QTMAN: variants seen among roughly 807,000 people sequenced by gnomAD.
The protein encoded by QTMAN is tRNA-queuosine alpha-mannosyltransferase.
the QTMAN span, among the ~76,000 whole-genome samples, chr2:144,284,626 G>C: frequency 6.6e-6 from 1 of 152,000 alleles, no homozygotes; most frequent in South Asian, 2.1e-4. Context: ...AAGAAAATTA[G>C]CATTTTCCAC....
At chr2:144,167,630 C>CTTCCTTGCACTTA in the QTMAN span, among the ~76,000 whole-genome samples, 1 of 152,022 alleles carries the variant, frequency 6.6e-6, no homozygotes, top group Non-Finnish European at 1.5e-5. Context: ...GCACTTACTC[C>CTTCCTTGCACTTA]TTCCTGCCGC....
At chr2:144,326,622 T>A in the QTMAN span, among the ~76,000 whole-genome samples, 1 of 150,068 alleles carries the variant, frequency 6.7e-6, no homozygotes, top group African/African-American at 2.5e-5. Context: ...GACTCTCCAG[T>A]ACTAACGATG....
the QTMAN span, among the ~76,000 whole-genome samples, chr2:144,192,524 C>G: frequency 1.3e-5 from 2 of 152,146 alleles, no homozygotes; most frequent in Non-Finnish European, 2.9e-5. Flanking sequence ...ATATATTTCT[C>G]CATCTCTCCT....
At chr2:144,150,359 A>G in the QTMAN span, among the ~76,000 whole-genome samples, 1 of 151,524 alleles carries the variant, frequency 6.6e-6, no homozygotes, top group African/African-American at 2.4e-5. Context: ...AGGATCCTGT[A>G]TTTTCTGTGA....
chr2:144,003,709 G>A, the QTMAN span, among the ~76,000 whole-genome samples: 1 of 152,180 alleles, frequency 6.6e-6, no homozygotes, highest in East Asian at 1.9e-4. Flanking sequence ...CTGTTCTCAT[G>A]CACAGACATT....
chr2:144,277,312 G>A, the QTMAN span, among the ~76,000 whole-genome samples: 9 of 151,826 alleles, frequency 5.9e-5, no homozygotes, highest in African/African-American at 1.5e-4. Flanking sequence ...TAAATTAGAC[G>A]CTATACTTTA....
At chr2:143,951,995 T>C in the QTMAN span, 219 of 1,558,582 alleles carry the variant, frequency 1.4e-4, 1 homozygote, top group South Asian at 2.3e-3. Context: ...ATAGAGATGT[T>C]TTCTTATAAT....
At chr2:144,204,044 C>T in the QTMAN span, among the ~76,000 whole-genome samples, 295 of 152,000 alleles carry the variant, frequency 1.9e-3, 1 homozygote, top group African/African-American at 6.5e-3. Flanking sequence ...ATAAAAACCC[C>T]AGAAGAAAAC....
At chr2:144,272,707 C>G in the QTMAN span, among the ~76,000 whole-genome samples, 2 of 151,984 alleles carry the variant, frequency 1.3e-5, no homozygotes, top group African/African-American at 4.8e-5. Context: ...TGGAAATCTA[C>G]ATTATGTGTG....
the QTMAN span, among the ~76,000 whole-genome samples, chr2:144,081,299 T>C: frequency 5.3e-5 from 8 of 152,124 alleles, no homozygotes; most frequent in Admixed American, 2.6e-4. Context: ...ATCAGAAATA[T>C]AGGTGGGGAA....
At chr2:144,212,669 G>C in the QTMAN span, among the ~76,000 whole-genome samples, 1 of 152,108 alleles carries the variant, frequency 6.6e-6, no homozygotes, top group East Asian at 1.9e-4. Context: ...CTCCCTGAAA[G>C]AGCATATAAA....
the QTMAN span, among the ~76,000 whole-genome samples, chr2:143,947,722 A>T: frequency 6.6e-6 from 1 of 152,202 alleles, no homozygotes; most frequent in African/African-American, 2.4e-5. Context: ...TCAGGTTGCA[A>T]ATGAGTAGCA....
chr2:144,133,451 TATATAA>T, the QTMAN span, among the ~76,000 whole-genome samples: 3 of 47,200 alleles, frequency 6.4e-5, no homozygotes, highest in African/African-American at 2.9e-4. Flanking sequence ...TAATATATAA[TATATAA>T]TATATATTAT....
the QTMAN span, among the ~76,000 whole-genome samples, chr2:143,988,661 C>G: frequency 1.3e-5 from 2 of 152,200 alleles, no homozygotes; most frequent in Admixed American, 6.5e-5. Flanking sequence ...AGCAACTTGC[C>G]TACACTGATT....
At chr2:144,047,384 C>T in the QTMAN span, among the ~76,000 whole-genome samples, 2 of 152,154 alleles carry the variant, frequency 1.3e-5, no homozygotes, top group Admixed American at 6.5e-5. Context: ...TCCTTTTACT[C>T]AAAACACAAC....
chr2:144,136,002 T>C, the QTMAN span, among the ~76,000 whole-genome samples: 1 of 152,026 alleles, frequency 6.6e-6, no homozygotes, highest in Non-Finnish European at 1.5e-5. Context: ...TTATGGCTAG[T>C]TCTACCATCT....
At chr2:144,317,039 G>A in the QTMAN span, among the ~76,000 whole-genome samples, 1 of 152,172 alleles carries the variant, frequency 6.6e-6, no homozygotes. Flanking sequence ...TTACTAAACA[G>A]TTCATAATGA....
chr2:143,983,249 T>C, the QTMAN span, among the ~76,000 whole-genome samples: 1 of 152,148 alleles, frequency 6.6e-6, no homozygotes, highest in Non-Finnish European at 1.5e-5. Flanking sequence ...TGAAATGATG[T>C]ATGTGAAACA....
chr2:144,144,103 A>C, the QTMAN span, among the ~76,000 whole-genome samples: 1 of 151,976 alleles, frequency 6.6e-6, no homozygotes, highest in Non-Finnish European at 1.5e-5. Flanking sequence ...TGAGAAAAGC[A>C]ATGCTGAAAA....
Sources: gnomAD v4.1 joint callset for allele counts (sites outside exome capture counted in the v4.1 genomes callset) on GRCh38, gnomAD v4.1.1 for gene constraint, MANE v1.5 for transcripts, NCBI Gene and HGNC (gene_info 2026-07-23, HGNC 2026-07-21) for gene names.